The following C14orf132 variants were observed in gnomAD, a reference collection of about 807,000 sequenced individuals.
C14orf132 encodes the protein chromosome 14 open reading frame 132, also known as uncharacterized protein C14orf132.
A neutral mutation model predicts 5.8 loss-of-function variants in C14orf132; 6 were observed. The observed-to-expected ratio is 1.03, with a 90% CI of 0.57 to 2.04. C14orf132 has a LOEUF of 2.04. C14orf132 is among the 30% of genes most tolerant of loss of function. The pLI, the probability that C14orf132 is intolerant of heterozygous loss-of-function variation, is 0.00. For synonymous variants in C14orf132, 51 were observed against 49.8 expected (o/e 1.02, Z -0.10); for missense variants, 125 against 115.8 (o/e 1.08, Z -0.37).
intron 1 of C14orf132, among the ~76,000 whole-genome samples, chr14:96,043,191 A>C (rs1566821494): frequency 1.3e-5 from 2 of 152,172 alleles, no homozygotes; most frequent in Non-Finnish European, 2.9e-5. Flanking sequence ...TATTGGTGAC[A>C]TTCTGTGGCC....
chr14:96,048,118 G>A (rs1376354695), intron 1 of C14orf132, among the ~76,000 whole-genome samples: 2 of 152,168 alleles, frequency 1.3e-5, no homozygotes, highest in Admixed American at 6.5e-5. Flanking sequence ...AACCTGGGAG[G>A]CAGAGGTTGC....
At chr14:96,079,324 C>A (rs1887964734) in intron 1 of C14orf132, among the ~76,000 whole-genome samples, 1 of 152,146 alleles carries the variant, frequency 6.6e-6, no homozygotes, top group Non-Finnish European at 1.5e-5. Context: ...TAAAAAGGAA[C>A]CACGCAGGAG....
chr14:96,039,753 GCTGTTCCCGCCCGGGCCC>G lies in C14orf132; in HGVS notation c.27+229_27+246del. ...CGCGCCCCGCACCCCCGCGGCTCGA[GCTGTTCCCGCCCGGGCCC>G]CTCTCGTTGGCAGGAAGGCTGCGAG... is the stretch of plus-strand genomic sequence containing the variant. On this transcript the variant is annotated intron_variant, in intron 1 of 1. Transcript: ENST00000555004. This position sits in a 1 kb window ranked among gnomAD's most constrained non-coding sequence, Gnocchi z 5.3. 6.6e-6 allele frequency among the ~76,000 whole-genome samples: 1 copy of G among 152,094 alleles called. No individual in the cohort carries two copies. Among genetic ancestry groups the G allele is most frequent in the East Asian group, 1.9e-4 (1 of 5,152 alleles).
intron 1 of C14orf132, among the ~76,000 whole-genome samples, chr14:96,049,653 TAG>T (rs1555384130): frequency 1.6e-4 from 13 of 82,272 alleles, no homozygotes; most frequent in Non-Finnish European, 1.7e-4. Flanking sequence ...TATATATATA[TAG>T]AGAGAGAGAG....
intron 1 of C14orf132, among the ~76,000 whole-genome samples, chr14:96,063,511 G>T (rs1482251580): frequency 6.6e-6 from 1 of 152,004 alleles, no homozygotes; most frequent in Non-Finnish European, 1.5e-5. Flanking sequence ...GTTTCACCAT[G>T]TTGGCCAGGC....
chr14:96,044,120 C>CATCCTCT (rs1239188985), intron 1 of C14orf132, among the ~76,000 whole-genome samples: 5 of 152,242 alleles, frequency 3.3e-5, no homozygotes, highest in Non-Finnish European at 5.9e-5. Flanking sequence ...GGATCAGCTT[C>CATCCTCT]ATCCTCTGAT....
chr14:96,086,525 G>A lies in C14orf132; in HGVS notation c.42G>A (p.Gly14=). 1.3e-6 allele frequency: 2 copies of A among 1,536,082 alleles called. No individual in the cohort carries two copies. The highest frequency in any genetic ancestry group is 2.4e-5 in the South Asian group (2 of 84,054). Residue 14 remains glycine (G), a synonymous_variant, in exon 2 of 2, where the codon GGG becomes GGA. Transcript: ENST00000555004. The part of the protein sequence containing the change: ...SFMAAQLPMM[G]GAFMDSPNED... Reference sequence around the variant, plus strand: ...CTTCTTTGCAGCTGCCCATGATGGGGGGAGCTTTCATGGACTCGCCCAACG... The same window carrying A: ...CTTCTTTGCAGCTGCCCATGATGGGAGGAGCTTTCATGGACTCGCCCAACG...
chr14:96,083,389 C>T (rs1343408568), intron 1 of C14orf132, among the ~76,000 whole-genome samples: 1 of 152,140 alleles, frequency 6.6e-6, no homozygotes, highest in African/African-American at 2.4e-5. Flanking sequence ...CAAGGATGTC[C>T]ACGTCCTAAC....
Position 96,064,393 on chromosome 14 carries a change from C to CACACACACACACAT in C14orf132, c.28-22117_28-22116insCACACACACACATA, listed in dbSNP as rs771778523. ...ACACACACACACACACACACACACA[C>CACACACACACACAT]ATATACATATATGTATATATATACA... On this transcript the variant is annotated intron_variant, in intron 1 of 1. Transcript: ENST00000555004. Among the ~76,000 whole-genome samples the CACACACACACACAT allele has an allele frequency of 6.3e-3, 928 of 146,290 alleles. 8 individuals carry two copies. Among genetic ancestry groups the CACACACACACACAT allele is most frequent in the African/African-American group, 0.023 (885 of 38,436 alleles).
chr14:96,042,365 C>T (rs1021358133), intron 1 of C14orf132, among the ~76,000 whole-genome samples: 2 of 152,156 alleles, frequency 1.3e-5, no homozygotes, highest in Non-Finnish European at 2.9e-5. Flanking sequence ...AGTTATTGAG[C>T]AGGAGAATGG....
intron 1 of C14orf132, among the ~76,000 whole-genome samples, chr14:96,084,743 C>A (rs2139683327): frequency 6.6e-6 from 1 of 152,312 alleles, no homozygotes; most frequent in Middle Eastern, 3.4e-3. Flanking sequence ...GCCCTGAGCC[C>A]CATAGCAGTC....
At chr14:96,049,507 C>T (rs1483714665) in intron 1 of C14orf132, among the ~76,000 whole-genome samples, 5 of 140,612 alleles carry the variant, frequency 3.6e-5, no homozygotes, top group African/African-American at 5.2e-5. Context: ...CGTATATATA[C>T]GTATATACGT....
intron 1 of C14orf132, among the ~76,000 whole-genome samples, chr14:96,068,074 G>A (rs1266121439): frequency 2.0e-5 from 3 of 152,146 alleles, no homozygotes; most frequent in African/African-American, 7.2e-5. Flanking sequence ...CCACCTCATT[G>A]TAAATTGAAG....
intron 1 of C14orf132, among the ~76,000 whole-genome samples, chr14:96,075,588 C>T (rs537092307): frequency 1.2e-4 from 18 of 152,218 alleles, no homozygotes; most frequent in African/African-American, 4.3e-4. Context: ...TTTATCAGAT[C>T]CAGGAAGTTC....
chr14:96,064,363 T>TACAC (rs148402921), intron 1 of C14orf132, among the ~76,000 whole-genome samples: 6,334 of 135,768 alleles, frequency 0.047, 200 homozygotes, highest in East Asian at 0.097. Context: ...GGTGCATATA[T>TACAC]ACACACACAC....
At position 96,090,817 on chromosome 14, in the gene C14orf132, T is replaced by G. The variant is rs535788801; in HGVS notation, c.*4082T>G. The G allele has an allele frequency of 2.2e-6, 1 of 456,080 alleles. No homozygotes were observed. Among genetic ancestry groups the G allele is most frequent in the Admixed American group, 2.3e-5 (1 of 42,572 alleles). The allele number at this position is 456,080 out of a possible 1,614,324, so 28.3% of individuals were successfully genotyped here. On this transcript the variant is annotated 3_prime_UTR_variant, in exon 2 of 2. Coordinates refer to ENST00000555004, the MANE Select transcript of C14orf132 (RefSeq NM_001252507.3). ...CCACTCTGGCGTCTCCTGAAGTGGGTCCCTGGAGACCGAAGAGGCTCAGTG... is the reference window on the plus strand; with the variant it reads ...CCACTCTGGCGTCTCCTGAAGTGGGGCCCTGGAGACCGAAGAGGCTCAGTG...
chr14:96,054,944 C>A (rs1295863081), intron 1 of C14orf132, among the ~76,000 whole-genome samples: 1 of 152,180 alleles, frequency 6.6e-6, no homozygotes. Context: ...ATCTCTCTTT[C>A]CTAAACACTG....
chr14:96,042,404 A>T (rs2139638443), intron 1 of C14orf132, among the ~76,000 whole-genome samples: 1 of 152,098 alleles, frequency 6.6e-6, no homozygotes, highest in Non-Finnish European at 1.5e-5. Flanking sequence ...CCTTGGGAAA[A>T]CCTCAGCCCC....
rs1018448179 is a variant in C14orf132 at position 96,039,714 on chromosome 14, G to A, written c.27+187G>A. ...GGGGCGGCGATCGCGGCTCTCCCGG[G>A]GTGGGGCGGGCTGCGCGCCCCGCAC... On this transcript the variant is annotated intron_variant, in intron 1 of 1. Transcript: ENST00000555004. This position sits in a 1 kb window ranked among gnomAD's most constrained non-coding sequence, Gnocchi z 5.3. Among the ~76,000 whole-genome samples the A allele has an allele frequency of 2.1e-4, 32 of 152,210 alleles. No homozygotes were observed. The highest frequency in any genetic ancestry group is 7.2e-4 in the African/African-American group (30 of 41,568).
Sources: gnomAD v4.1 joint callset for allele counts (sites outside exome capture counted in the v4.1 genomes callset) on GRCh38, gnomAD v4.1.1 for gene constraint, Gnocchi (gnomAD v3.1) non-coding constraint, MANE v1.5 for transcripts, NCBI Gene and HGNC (gene_info 2026-07-23, HGNC 2026-07-21) for gene names.